The following ZNF683 variants were observed in gnomAD, a reference collection of about 807,000 sequenced individuals.
ZNF683 encodes zinc finger protein 683.
ZNF683 carries 20 observed loss-of-function variants against 31.4 expected under a neutral mutation model. The ratio of observed to expected loss-of-function variants is 0.64; its 90% CI spans 0.45 to 0.93. ZNF683 has a LOEUF of 0.93. Ranked by LOEUF, ZNF683 falls within the 40% of genes least tolerant of loss-of-function variation. The pLI, the probability that ZNF683 is intolerant of heterozygous loss-of-function variation, is 0.00. For missense variants in ZNF683, 621 were observed against 637.2 expected (o/e 0.97, Z 0.27); for synonymous variants, 264 against 267.6 (o/e 0.99, Z 0.13).
intron 5 of ZNF683, 85 bp from the exon 6 acceptor site, chr1:26,362,107 A>G (rs760136829): frequency 3.6e-5 from 53 of 1,473,386 alleles, no homozygotes; most frequent in Non-Finnish European, 4.9e-5. Flanking sequence ...GGAAATACCC[A>G]TGACCCACCT....
chr1:26,372,435 G>T, intron 1 of ZNF683: 1 of 1,279,486 alleles, frequency 7.8e-7, no homozygotes, highest in Non-Finnish European at 1.0e-6. Flanking sequence ...AGCCGAAATG[G>T]CCAAATACTT....
At position 26,365,057 on chromosome 1, in the gene ZNF683, G is replaced by A. The variant is rs755419627; in HGVS notation, c.489C>T (p.Asn163=). The stretch of plus-strand genomic sequence containing the variant: ...AAGCCAAGGGGCTGGGGCTCTTTCT[G>A]TTCTGCAGCGGTGGTGGGGAAGAGC... ...HNSSSPPPLQ[N]RKSPSPLAFC... The change falls in exon 4 of 6, where the codon AAC becomes AAT. Residue 163 remains asparagine (N), a synonymous_variant. Transcript: ENST00000349618. 5.0e-6 allele frequency: 8 copies of A among 1,605,708 alleles called. No individual in the cohort carries two copies. The highest frequency in any genetic ancestry group is 1.1e-5 in the South Asian group (1 of 89,750).
At chr1:26,367,450 C>A (rs1269155450) in intron 3 of ZNF683, 143 bp downstream of exon 3, 5 of 979,690 alleles carry the variant, frequency 5.1e-6, no homozygotes, top group Non-Finnish European at 7.2e-6. Context: ...ACTCCAAGGC[C>A]AAAATGTGGA....
chr1:26,362,165 AC>A, intron 5 of ZNF683, 143 bp from the exon 6 acceptor site: 1 of 1,599,706 alleles, frequency 6.3e-7, no homozygotes, highest in Non-Finnish European at 8.5e-7. Context: ...TCTTCCTGGA[AC>A]CCACGGTATC....
In ZNF683 at chr1:26,367,705, G is replaced by A. The variant is rs1396294073; in HGVS notation, c.207C>T (p.Gly69=). ...SWLCPLPLAP[G]RSALLACLQD... is the part of the protein sequence containing the mutation. ...GTAGGCAGGCCAGCAGTGCAGACCTGCCCGGTGCCAGGGGCAAGGGACACA... is the reference window on the plus strand; with the variant it reads ...GTAGGCAGGCCAGCAGTGCAGACCTACCCGGTGCCAGGGGCAAGGGACACA... The change falls in exon 3 of 6, where the codon GGC becomes GGT. Residue 69 remains glycine (G), a synonymous_variant. Coordinates refer to ENST00000349618, the MANE Select transcript of ZNF683 (RefSeq NM_001114759.3). 3 of 1,612,136 alleles carry A rather than the reference G, an allele frequency of 1.9e-6. No individual in the cohort carries two copies. Among genetic ancestry groups the A allele is most frequent in the East Asian group, 2.2e-5 (1 of 44,832 alleles).
upstream of ZNF683, chr1:26,372,759 C>G (rs1396427698): frequency 8.3e-7 from 1 of 1,208,226 alleles, no homozygotes; most frequent in Non-Finnish European, 1.1e-6. Flanking sequence ...ATGGTCCTCC[C>G]TTTGTGCTAC....
chr1:26,362,095 T>C (rs1217450141), intron 5 of ZNF683, 73 bp from the exon 6 acceptor site: 7 of 1,613,602 alleles, frequency 4.3e-6, no homozygotes, highest in Non-Finnish European at 5.1e-6. Context: ...TCTCCTCATC[T>C]TGGAAATACC....
At chr1:26,369,263 T>TA (rs951847932) in intron 1 of ZNF683, among the ~76,000 whole-genome samples, 2 of 150,038 alleles carry the variant, frequency 1.3e-5, no homozygotes, top group African/African-American at 4.9e-5. Flanking sequence ...ATAAAATAAA[T>TA]AAAAAAATAA....
At chr1:26,374,510 C>T (rs41285439), upstream of ZNF683, 7,129 of 1,165,018 alleles carry the variant, frequency 6.1e-3, 33 homozygotes, top group Admixed American at 7.4e-3. Context: ...GCCTGCCAAG[C>T]CCTTCCTTGC....
chr1:26,373,659 A>G (rs969691122), upstream of ZNF683, among the ~76,000 whole-genome samples: 1 of 152,300 alleles, frequency 6.6e-6, no homozygotes, highest in Non-Finnish European at 1.5e-5. Flanking sequence ...GAGCTTTTCT[A>G]ACATCTTTTA....
At chr1:26,363,257 C>A (rs774599874) in intron 4 of ZNF683, 103 bp from the exon 5 acceptor site, 7 of 1,403,662 alleles carry the variant, frequency 5.0e-6, no homozygotes, top group Non-Finnish European at 6.7e-6. Flanking sequence ...TCCCCGTCAT[C>A]TCCCTCAGGG....
chr1:26,364,646 C>G lies in ZNF683; in HGVS notation c.900G>C (p.Leu300Phe), dbSNP rs763862162. The G allele has an allele frequency of 6.8e-6, 11 of 1,613,990 alleles. No individual in the cohort carries two copies. The highest frequency in any genetic ancestry group is 7.6e-6 in the Non-Finnish European group (9 of 1,179,898). The change falls in exon 4 of 6, where the codon TTG becomes TTC. Residue 300 changes from leucine to phenylalanine, a missense_variant. Transcript: ENST00000349618. ...AGGCTGCGGTGCCTGTCTGGGAACTCAATGGGACCCGCTTTGCTGGAGATG... is the reference window on the plus strand; with the variant it reads ...AGGCTGCGGTGCCTGTCTGGGAACTGAATGGGACCCGCTTTGCTGGAGATG... ...GMASPAKRVP[L>F]SSQTGTAALP...
Position 26,361,925 on chromosome 1 carries a change from C to T in ZNF683, c.1241G>A (p.Arg414His), listed in dbSNP as rs1320775405. 3.7e-6 allele frequency: 6 copies of T among 1,613,872 alleles called. No homozygotes were observed. Among genetic ancestry groups the T allele is most frequent in the Non-Finnish European group, 5.1e-6 (6 of 1,179,912 alleles). ...CTTCAGGTGGATGTGCTGGGTGAAG[C>T]GACTCCGGCAGACACTGCACTGGAA... The part of the protein sequence containing the change: ...RPFQCSVCRS[R>H]FTQHIHLKLH... Residue 414 changes from arginine (R) to histidine (H), a missense_variant, in exon 6 of 6, where the codon CGC (arginine) becomes CAC (histidine). Arg to His is a conservative substitution (Grantham distance 29). Coordinates refer to ENST00000349618, the MANE Select transcript of ZNF683 (RefSeq NM_001114759.3).
At chr1:26,374,495 C>A, upstream of ZNF683, 4 of 1,150,464 alleles carry the variant, frequency 3.5e-6, no homozygotes, top group Admixed American at 7.4e-5. Context: ...CGTGGAGAAG[C>A]CTCTGCCTGC....
At position 26,368,534 on chromosome 1, in the gene ZNF683, T is replaced by TG. The variant is rs766231310; in HGVS notation, c.37dup (p.His13ProfsTer2). The TG allele has an allele frequency of 1.1e-5, 17 of 1,607,134 alleles. No individual in the cohort carries two copies. The South Asian group carries it at 1.8e-4, about 17-fold the overall frequency. On this transcript the variant is annotated frameshift_variant, in exon 2 of 6. Coordinates refer to ENST00000349618, the MANE Select transcript of ZNF683 (RefSeq NM_001114759.3). LOFTEE classifies it high-confidence loss of function. The stretch of plus-strand genomic sequence containing the variant: ...TGTACCTCCCAGGGCCATGGGCCTA[T>TG]GACAACAACCTAATTGTGCAGCTGA...
intron 4 of ZNF683, among the ~76,000 whole-genome samples, chr1:26,363,975 C>T (rs1047780165): frequency 6.6e-6 from 1 of 152,220 alleles, no homozygotes; most frequent in African/African-American, 2.4e-5. Flanking sequence ...CCTTTGCTAA[C>T]GCACTGAGAT....
At chr1:26,363,252 G>C in intron 4 of ZNF683, 98 bp from the exon 5 acceptor site, 2 of 1,420,238 alleles carry the variant, frequency 1.4e-6, no homozygotes, top group Non-Finnish European at 9.5e-7. Flanking sequence ...CTCCCTCCCC[G>C]TCATCTCCCT....
At position 26,369,709 on chromosome 1, in the gene ZNF683, A is replaced by C. The variant is rs572691302; in HGVS notation, c.-14-1124T>G. 3.5e-4 allele frequency among the ~76,000 whole-genome samples: 52 copies of C among 149,264 alleles called. 1 individual carries two copies. In the South Asian group the frequency reaches 0.011, roughly 31 times the overall value. On this transcript the variant is annotated intron_variant, in intron 1 of 5. Transcript: ENST00000349618. ...GCTGAGTGTGGTGGCTCACACCTGTAGTCCCAGCTACTAGGGAGGCTGAGG... is the reference window on the plus strand; with the variant it reads ...GCTGAGTGTGGTGGCTCACACCTGTCGTCCCAGCTACTAGGGAGGCTGAGG...
chr1:26,362,983 C>T (rs1374840927), intron 5 of ZNF683, 43 bp downstream of exon 5: 1 of 1,560,510 alleles, frequency 6.4e-7, no homozygotes, highest in Non-Finnish European at 8.7e-7. Context: ...TAAAACTCCT[C>T]TCCAGCCTAT....
Sources: gnomAD v4.1 joint callset for allele counts (sites outside exome capture counted in the v4.1 genomes callset) on GRCh38, gnomAD v4.1.1 for gene constraint, MANE v1.5 for transcripts, NCBI Gene and HGNC (gene_info 2026-07-23, HGNC 2026-07-21) for gene names.